CACNA1D: variants seen among roughly 807,000 people sequenced by gnomAD.
CACNA1D encodes voltage-dependent L-type calcium channel subunit alpha-1D.
A neutral mutation model predicts 257.1 loss-of-function variants in CACNA1D; 55 were observed. The observed-to-expected ratio is 0.21, with a 90% CI of 0.17 to 0.27. The LOEUF is 0.27. CACNA1D is among the 10% of genes least tolerant of loss of function. CACNA1D has a pLI of 1.00. For missense variants in CACNA1D, 1,876 were observed against 2,784.0 expected (o/e 0.67, Z 7.34); for synonymous variants, 980 against 1,014.9 (o/e 0.97, Z 0.65).
In CACNA1D at chr3:53,507,089, A is replaced by AC. The variant is rs542096933; in HGVS notation, c.483+5369_483+5370insC. On this transcript the variant is annotated intron_variant, in intron 3 of 47. Transcript: ENST00000350061. The stretch of plus-strand genomic sequence containing the variant: ...CTCTATCTCAAAAAAAAAAAAAAAA[A>AC]AAAACAAAAAAATGTGGTAGAAGGG... Among the ~76,000 whole-genome samples, 49 of 150,276 alleles carry AC rather than the reference A, an allele frequency of 3.3e-4. 3 individuals are homozygous for AC. In the South Asian group the frequency reaches 0.01, roughly 32 times the overall value.
chr3:53,585,419 A>G (rs2093198212), intron 3 of CACNA1D, among the ~76,000 whole-genome samples: 1 of 152,174 alleles, frequency 6.6e-6, no homozygotes, highest in African/African-American at 2.4e-5. Flanking sequence ...TGTTTTAGAA[A>G]ACTTTTTTTG....
Position 53,747,359 on chromosome 3 carries a change from G to T in CACNA1D, c.3225G>T (p.Arg1075=). Residue 1075 remains arginine, a synonymous_variant, in exon 26 of 48, where the codon CGG becomes CGT. Coordinates refer to ENST00000350061, the MANE Select transcript of CACNA1D (RefSeq NM_001128840.3). Reference sequence around the variant, plus strand: ...TTGACAGTCCTGTGGTCCGTGAACGGATCTGGCAAAACAGTGATTTCAACT... The same window carrying T: ...TTGACAGTCCTGTGGTCCGTGAACGTATCTGGCAAAACAGTGATTTCAACT... ...GDVDSPVVRE[R]IWQNSDFNFD... The T allele has an allele frequency of 6.2e-7, 1 of 1,613,994 alleles. No homozygotes were observed. Among genetic ancestry groups the T allele is most frequent in the South Asian group, 1.1e-5 (1 of 91,084 alleles).
intron 4 of CACNA1D, among the ~76,000 whole-genome samples, chr3:53,654,535 A>G (rs562804676): frequency 6.6e-6 from 1 of 152,290 alleles, no homozygotes; most frequent in East Asian, 1.9e-4. Context: ...TAAACCCTAG[A>G]GTATGGATTG....
At chr3:53,610,789 A>C (rs935066174) in intron 3 of CACNA1D, among the ~76,000 whole-genome samples, 1 of 152,004 alleles carries the variant, frequency 6.6e-6, no homozygotes, top group African/African-American at 2.4e-5. Flanking sequence ...AGCTATATCT[A>C]TTTTATATGT....
chr3:53,656,647 T>C (rs1405928129), intron 4 of CACNA1D, among the ~76,000 whole-genome samples: 1 of 152,158 alleles, frequency 6.6e-6, no homozygotes, highest in East Asian at 1.9e-4. Flanking sequence ...AAGGCACAGA[T>C]TGTGAAAAAT....
At chr3:53,764,988 C>T (rs1389550026) in intron 30 of CACNA1D, among the ~76,000 whole-genome samples, 3 of 152,196 alleles carry the variant, frequency 2.0e-5, no homozygotes, top group Non-Finnish European at 2.9e-5. Context: ...AGCAGAACAC[C>T]ACCTTCAGAA....
intron 15 of CACNA1D, 147 bp from the exon 16 acceptor site, chr3:53,730,295 G>C (rs1250735225): frequency 2.9e-6 from 2 of 695,396 alleles, no homozygotes; most frequent in Non-Finnish European, 5.3e-6. Flanking sequence ...CAGGGCTCTG[G>C]TACTCTAGTT....
chr3:53,782,262 GTGTATATATATATA>G (rs1481478933), intron 39 of CACNA1D: 1 of 42,010 alleles, frequency 2.4e-5, no homozygotes, highest in South Asian at 1.3e-3. Flanking sequence ...GTGTGTGTGT[GTGTATATATATATA>G]TATATATATA....
At chr3:53,728,024 C>G (rs547405347) in intron 15 of CACNA1D, among the ~76,000 whole-genome samples, 1 of 152,314 alleles carries the variant, frequency 6.6e-6, no homozygotes, top group Non-Finnish European at 1.5e-5. Flanking sequence ...AAGAGCCACC[C>G]CTGCCCTGTC....
At chr3:53,663,491 G>C (rs2094226447) in intron 5 of CACNA1D, among the ~76,000 whole-genome samples, 1 of 152,144 alleles carries the variant, frequency 6.6e-6, no homozygotes, top group African/African-American at 2.4e-5. Flanking sequence ...CTGGATTCCT[G>C]CCCATTCTCC....
chr3:53,632,877 G>C (rs554502449), intron 3 of CACNA1D, among the ~76,000 whole-genome samples: 2 of 152,254 alleles, frequency 1.3e-5, no homozygotes, highest in South Asian at 2.1e-4. Flanking sequence ...GTAACATCGA[G>C]GATAAGTGAT....
intron 3 of CACNA1D, among the ~76,000 whole-genome samples, chr3:53,508,324 G>A (rs1195950088): frequency 1.3e-5 from 2 of 150,662 alleles, no homozygotes; most frequent in African/African-American, 4.9e-5. Context: ...CTTTTTTTTT[G>A]TTTTTAGCAT....
chr3:53,738,530 C>A (rs2095081774), intron 20 of CACNA1D, among the ~76,000 whole-genome samples: 1 of 152,114 alleles, frequency 6.6e-6, no homozygotes, highest in African/African-American at 2.4e-5. Context: ...CATTAGGTGA[C>A]AAACTAGGCC....
chr3:53,768,921 C>A (rs114702541), intron 30 of CACNA1D, among the ~76,000 whole-genome samples: 1,806 of 152,304 alleles, frequency 0.012, 17 homozygotes, highest in Non-Finnish European at 0.019. Context: ...AGAAAGCGTC[C>A]TTGAAGCCCC....
At chr3:53,775,799 C>CA in intron 34 of CACNA1D, 87 bp from the exon 35 acceptor site, 1 of 1,298,280 alleles carries the variant, frequency 7.7e-7, no homozygotes, top group Non-Finnish European at 1.1e-6. Context: ...AGGTTTTGCT[C>CA]TAATTATGAG....
chr3:53,722,272 C>A lies in CACNA1D; in HGVS notation c.1506-42C>A, dbSNP rs376034804. 3.1e-6 allele frequency: 5 copies of A among 1,605,754 alleles called. No homozygotes were observed. In the East Asian group the frequency reaches 6.7e-5, roughly 21 times the overall value. On this transcript the variant is annotated intron_variant, in intron 11 of 47. Coordinates refer to ENST00000350061, the MANE Select transcript of CACNA1D (RefSeq NM_001128840.3). ...ATCATATTTATTGGATACTCAGATG[C>A]TGTATCTGTCATCTACGTAGTAATG...
chr3:53,755,171 C>T (rs966645335), intron 29 of CACNA1D, among the ~76,000 whole-genome samples: 3 of 152,180 alleles, frequency 2.0e-5, no homozygotes, highest in African/African-American at 4.8e-5. Context: ...GTAAGAACAT[C>T]GAAGGTACTT....
chr3:53,714,399 A>G (rs1312999690), intron 9 of CACNA1D, among the ~76,000 whole-genome samples: 1 of 152,198 alleles, frequency 6.6e-6, no homozygotes, highest in Non-Finnish European at 1.5e-5. Flanking sequence ...GGAGAAGCCC[A>G]TGTATTCGGG....
chr3:53,720,134 T>C lies in CACNA1D; in HGVS notation c.1505+353T>C, dbSNP rs961777850. The stretch of plus-strand genomic sequence containing the variant: ...AGAAGTCTTCCAAGGTACTAGCATT[T>C]CTTGATGTGCATGCGGGTTACGTGT... On this transcript the variant is annotated intron_variant, in intron 11 of 47. Coordinates refer to ENST00000350061, the MANE Select transcript of CACNA1D (RefSeq NM_001128840.3). Among the ~76,000 whole-genome samples, 5 of 152,316 alleles carry C rather than the reference T, an allele frequency of 3.3e-5. No homozygotes were observed. In the East Asian group the frequency reaches 7.7e-4, roughly 23 times the overall value.
Sources: gnomAD v4.1 joint callset for allele counts (sites outside exome capture counted in the v4.1 genomes callset) on GRCh38, gnomAD v4.1.1 for gene constraint, MANE v1.5 for transcripts, NCBI Gene and HGNC (gene_info 2026-07-23, HGNC 2026-07-21) for gene names.